VSTM5: variants seen among roughly 807,000 people sequenced by gnomAD.
VSTM5 encodes V-set and transmembrane domain-containing protein 5.
A neutral mutation model predicts 20.3 loss-of-function variants in VSTM5; 21 were observed. The ratio of observed to expected loss-of-function variants is 1.03; its 90% CI spans 0.73 to 1.49. The LOEUF (loss-of-function observed/expected upper bound fraction) is 1.49. Ranked by LOEUF, VSTM5 falls within the 40% of genes most tolerant of loss-of-function variation. The pLI, the probability that VSTM5 is intolerant of heterozygous loss-of-function variation, is 0.00. For synonymous variants in VSTM5, 100 were observed against 102.5 expected, an observed-to-expected ratio of 0.98 and a Z score of 0.14; for missense variants, 219 against 250.0, an observed-to-expected ratio of 0.88 and a Z score of 0.84.
intron 1 of VSTM5, among the ~76,000 whole-genome samples, chr11:93,843,082 C>T (rs1358815578): frequency 3.3e-5 from 5 of 151,062 alleles, no homozygotes; most frequent in Admixed American, 1.3e-4. Context: ...CAGAGTGACA[C>T]TCTGTCTAAA....
chr11:93,849,186 C>T (rs996169521), intron 1 of VSTM5, among the ~76,000 whole-genome samples: 2 of 152,116 alleles, frequency 1.3e-5, no homozygotes, highest in African/African-American at 4.8e-5. Flanking sequence ...CATTCTGTTC[C>T]CCAGGCTAGA....
chr11:93,823,613 T>C (rs1184135545), intron 1 of VSTM5, among the ~76,000 whole-genome samples: 2 of 152,198 alleles, frequency 1.3e-5, no homozygotes, highest in East Asian at 3.8e-4. Context: ...ATTCCACATA[T>C]AAGTGAGATC....
chr11:93,835,284 G>A (rs1944314570), intron 1 of VSTM5, among the ~76,000 whole-genome samples: 1 of 152,080 alleles, frequency 6.6e-6, no homozygotes, highest in Admixed American at 6.6e-5. Context: ...TTAGCCAGGT[G>A]TGGTGGTGTA....
At chr11:93,846,766 AT>A (rs143745842) in intron 1 of VSTM5, among the ~76,000 whole-genome samples, 48,489 of 94,222 alleles carry the variant, frequency 0.51, 8,975 homozygotes, top group Admixed American at 0.6. Context: ...ATTTTTTTTA[AT>A]TTTTTTTTTT....
At chr11:93,823,620 G>A (rs1022245166) in intron 1 of VSTM5, among the ~76,000 whole-genome samples, 5 of 152,236 alleles carry the variant, frequency 3.3e-5, no homozygotes, top group South Asian at 4.1e-4. Flanking sequence ...ATATAAGTGA[G>A]ATCATACAAT....
intron 1 of VSTM5, among the ~76,000 whole-genome samples, chr11:93,833,318 C>T (rs1385617522): frequency 6.6e-6 from 1 of 152,172 alleles, no homozygotes; most frequent in Non-Finnish European, 1.5e-5. Flanking sequence ...GTGGCTCATG[C>T]CTGTAATCCC....
At chr11:93,843,952 C>T (rs1281722862) in intron 1 of VSTM5, among the ~76,000 whole-genome samples, 1 of 152,212 alleles carries the variant, frequency 6.6e-6, no homozygotes, top group Non-Finnish European at 1.5e-5. Flanking sequence ...CTTCAAGGCC[C>T]ATCTTTAATG....
intron 1 of VSTM5, among the ~76,000 whole-genome samples, chr11:93,831,535 C>T (rs531642202): frequency 1.3e-5 from 2 of 152,306 alleles, no homozygotes; most frequent in African/African-American, 4.8e-5. Context: ...GGTGGTAATT[C>T]CCCCTCTCAG....
At chr11:93,849,051 G>A (rs1234811203) in intron 1 of VSTM5, among the ~76,000 whole-genome samples, 1 of 152,178 alleles carries the variant, frequency 6.6e-6, no homozygotes, top group Non-Finnish European at 1.5e-5. Context: ...CTGCAGCTGG[G>A]TTCTAGCCAG....
At chr11:93,850,078 G>T (rs1167259181) in intron 1 of VSTM5, among the ~76,000 whole-genome samples, 2 of 152,250 alleles carry the variant, frequency 1.3e-5, no homozygotes, top group African/African-American at 4.8e-5. Context: ...CGGCCACAGG[G>T]CTGGGAGCCG....
At position 93,837,011 on chromosome 11, in the gene VSTM5, G is replaced by GCACACACACACACACA. The variant is rs59949447; in HGVS notation, c.91+13385_91+13400dup. Among the ~76,000 whole-genome samples, 628 of 140,828 alleles carry GCACACACACACACACA rather than the reference G, an allele frequency of 4.5e-3. 10 individuals are homozygous for GCACACACACACACACA. Among genetic ancestry groups the GCACACACACACACACA allele is most frequent in the African/African-American group, 0.015 (557 of 37,076 alleles). 92.4% of individuals were successfully genotyped at this position (140,828 alleles called of 152,430 possible). A position where few individuals can be genotyped will look rare whatever the true frequency, so the allele number is the denominator to read the frequency against. ...CTTCTTTTTGCCTGAAAAAAAAAAT[G>GCACACACACACACACA]CACACACACACACACACACACACAC... is the stretch of plus-strand genomic sequence containing the variant. On this transcript the variant is annotated intron_variant, in intron 1 of 3. Coordinates refer to ENST00000409977, the MANE Select transcript of VSTM5 (RefSeq NM_001144871.2).
At position 93,821,076 on chromosome 11, in the gene VSTM5, C is replaced by T; in HGVS notation, c.339G>A (p.Arg113=). The T allele has an allele frequency of 6.4e-7, 1 of 1,551,794 alleles. No individual in the cohort carries two copies. Among genetic ancestry groups the T allele is most frequent in the Non-Finnish European group, 8.7e-7 (1 of 1,147,020 alleles). ...GSIQLFSVGV[R]DSGYYVITVT... ...CGGTGATGACATAGTAGCCGGAATC[C>T]CTCACTCCCACGCTGAAGAGCTGGA... The change falls in exon 2 of 4, where the codon AGG becomes AGA. Residue 113 remains arginine (R), a synonymous_variant. Transcript: ENST00000409977.
chr11:93,822,042 G>A (rs186291625), intron 1 of VSTM5: 12 of 151,854 alleles, frequency 7.9e-5, no homozygotes, highest in African/African-American at 2.9e-4. Context: ...AAGACTTTCT[G>A]TGCCAGTTAC....
chr11:93,843,929 G>A (rs925211761), intron 1 of VSTM5, among the ~76,000 whole-genome samples: 3 of 151,964 alleles, frequency 2.0e-5, no homozygotes, highest in African/African-American at 4.8e-5. Flanking sequence ...CCATTCTCAG[G>A]TTCCTGCTCA....
intron 1 of VSTM5, among the ~76,000 whole-genome samples, chr11:93,830,300 C>T (rs1944271152): frequency 6.6e-6 from 1 of 152,226 alleles, no homozygotes; most frequent in Non-Finnish European, 1.5e-5. Context: ...GGGCCCCTAA[C>T]AGGTGCTTGC....
At position 93,820,593 on chromosome 11, in the gene VSTM5, A is replaced by T. The variant is rs754854342; in HGVS notation, c.579T>A (p.Ile193=). The change falls in exon 4 of 4, where the codon ATT becomes ATA. Residue 193 remains isoleucine, a synonymous_variant. Coordinates refer to ENST00000409977, the MANE Select transcript of VSTM5 (RefSeq NM_001144871.2). ...HKLKESTTEE[I]ELEDVEC ...GCTAACACTCAACATCTTCCAGCTCAATCTCCTCAGTTGTGCTTTCTGTAA... is the reference window on the plus strand; with the variant it reads ...GCTAACACTCAACATCTTCCAGCTCTATCTCCTCAGTTGTGCTTTCTGTAA... 41 of 1,551,948 alleles carry T rather than the reference A, an allele frequency of 2.6e-5. No individual in the cohort carries two copies. Among genetic ancestry groups the T allele is most frequent in the Middle Eastern group, 1.7e-4 (1 of 5,994 alleles).
Position 93,820,594 on chromosome 11 carries a change from A to T in VSTM5, c.578T>A (p.Ile193Asn), listed in dbSNP as rs145330903. The T allele has an allele frequency of 6.4e-7, 1 of 1,551,928 alleles. No homozygotes were observed. ...HKLKESTTEEIELEDVEC is the reference protein window; with the variant it reads ...HKLKESTTEENELEDVEC ...CTAACACTCAACATCTTCCAGCTCA[A>T]TCTCCTCAGTTGTGCTTTCTGTAAA... Residue 193 changes from isoleucine (I) to asparagine (N), a missense_variant, in exon 4 of 4, where the codon ATT (isoleucine) becomes AAT (asparagine). By Grantham distance (149) the Ile-to-Asn change is moderately radical (BLOSUM62 -3). Transcript: ENST00000409977.
chr11:93,850,548 C>A lies in VSTM5; in HGVS notation c.-46G>T. 1.4e-6 allele frequency: 2 copies of A among 1,432,134 alleles called. No individual in the cohort carries two copies. 88.7% of individuals were successfully genotyped at this position (1,432,134 alleles called of 1,614,324 possible). A position where few individuals can be genotyped will look rare whatever the true frequency, so the allele number is the denominator to read the frequency against. On this transcript the variant is annotated 5_prime_UTR_variant, in exon 1 of 4. Transcript: ENST00000409977. ...GGGCCGGGGTGTGTGCTGGCCGCAC[C>A]GCGCTGCAGCTCCTATGCAGCCTTC...
chr11:93,820,768 C>G lies in VSTM5; in HGVS notation c.534G>C (p.Gln178His). Residue 178 changes from glutamine to histidine, a missense_variant, in exon 3 of 4, where the codon CAG (glutamine) becomes CAC (histidine). Transcript: ENST00000409977. The stretch of plus-strand genomic sequence containing the variant: ...CTTTGAGTTTGTGTCTTCTCTTCCT[C>G]TGAAATTTATATGCACACTTATTAC... ...WVCNKCAYKF[Q>H]RKRRHKLKES... 1 of 1,551,664 alleles carries G rather than the reference C, an allele frequency of 6.4e-7. No individual in the cohort carries two copies. The highest frequency in any genetic ancestry group is 8.7e-7 in the Non-Finnish European group (1 of 1,147,008).
Sources: gnomAD v4.1 joint callset for allele counts (sites outside exome capture counted in the v4.1 genomes callset) on GRCh38, gnomAD v4.1.1 for gene constraint, MANE v1.5 for transcripts, NCBI Gene and HGNC (gene_info 2026-07-23, HGNC 2026-07-21) for gene names.